CACNA1S: variants seen among roughly 807,000 people sequenced by gnomAD.
CACNA1S encodes the protein calcium voltage-gated channel subunit alpha1 S.
In CACNA1S, 126 loss-of-function variants were observed where a neutral mutation model predicts 207.4. That is an observed-to-expected ratio of 0.61 (90% CI 0.53 to 0.70). The LOEUF is 0.70. Ranked by LOEUF, CACNA1S falls within the 30% of genes least tolerant of loss-of-function variation. The pLI is 0.00. For synonymous variants in CACNA1S, 960 were observed against 932.7 expected (o/e 1.03, Z -0.53); for missense variants, 2,349 against 2,422.8 (o/e 0.97, Z 0.64).
At chr1:201,090,205 C>T (rs368017327) in intron 5 of CACNA1S, among the ~76,000 whole-genome samples, 119 of 152,226 alleles carry the variant, frequency 7.8e-4, no homozygotes, top group African/African-American at 2.5e-3. Context: ...CTGTAGGGGC[C>T]CTGACCCCAT....
At chr1:201,099,415 G>T (rs1662559222) in intron 2 of CACNA1S, among the ~76,000 whole-genome samples, 1 of 152,224 alleles carries the variant, frequency 6.6e-6, no homozygotes, top group Admixed American at 6.5e-5. Flanking sequence ...CAGTTGAAGG[G>T]CTCCCTGGGA....
At chr1:201,057,720 G>A (rs1390086982) in intron 28 of CACNA1S, among the ~76,000 whole-genome samples, 2 of 152,196 alleles carry the variant, frequency 1.3e-5, no homozygotes, top group African/African-American at 4.8e-5. Flanking sequence ...CCAGCACTTT[G>A]GGAGGCTGAG....
chr1:201,111,428 T>G (rs907747892), intron 1 of CACNA1S, among the ~76,000 whole-genome samples: 9 of 152,072 alleles, frequency 5.9e-5, no homozygotes, highest in African/African-American at 2.2e-4. Flanking sequence ...AACCCAGATA[T>G]TTTCATCATT....
At chr1:201,100,065 T>C (rs1662582442) in intron 2 of CACNA1S, among the ~76,000 whole-genome samples, 1 of 152,138 alleles carries the variant, frequency 6.6e-6, no homozygotes, top group African/African-American at 2.4e-5. Flanking sequence ...CCTGGGCACA[T>C]TCCCCAGGCA....
chr1:201,042,994 T>C (rs1233329314), intron 40 of CACNA1S: 3 of 412,968 alleles, frequency 7.3e-6, no homozygotes, highest in Non-Finnish European at 1.4e-5. Context: ...TAACCTATCA[T>C]GTGTTCAATA....
At chr1:201,041,870 C>A in intron 40 of CACNA1S, 1 of 502,926 alleles carries the variant, frequency 2.0e-6, no homozygotes, top group Non-Finnish European at 3.6e-6. Context: ...GCTGCAGCCT[C>A]CCAGCCTTTG....
intron 11 of CACNA1S, 70 bp from the exon 12 acceptor site, chr1:201,077,197 G>C: frequency 7.4e-7 from 1 of 1,347,784 alleles, no homozygotes; most frequent in Admixed American, 1.8e-5. Context: ...GTGTGGACAG[G>C]CTTGGGGGAA....
chr1:201,060,089 A>T (rs530653764), intron 26 of CACNA1S, among the ~76,000 whole-genome samples: 1 of 152,264 alleles, frequency 6.6e-6, no homozygotes, highest in African/African-American at 2.4e-5. Context: ...TTTCCATATC[A>T]CCATGACCTA....
In CACNA1S at chr1:201,093,925, G is replaced by T. The variant is rs1276004803; in HGVS notation, c.355C>A (p.Arg119Ser). 1 of 1,614,210 alleles carries T rather than the reference G, an allele frequency of 6.2e-7. No individual in the cohort carries two copies. Among genetic ancestry groups the T allele is most frequent in the South Asian group, 1.1e-5 (1 of 91,080 alleles). ...GFLFHQDAYL[R>S]SGWNVLDFTI... Reference sequence around the variant, plus strand: ...AAGTCCAGCACATTCCAGCCACTGCGCAGGTAAGCGTCCTGGTGGAATAAG... The same window carrying T: ...AAGTCCAGCACATTCCAGCCACTGCTCAGGTAAGCGTCCTGGTGGAATAAG... The change falls in exon 3 of 44, where the codon CGC becomes AGC. Residue 119 changes from arginine (R) to serine (S), a missense_variant. Physicochemically the swap from Arg to Ser is moderately radical, Grantham distance 110. Transcript: ENST00000362061.
intron 9 of CACNA1S, among the ~76,000 whole-genome samples, chr1:201,083,633 T>C (rs572865426): frequency 6.6e-6 from 1 of 152,334 alleles, no homozygotes; most frequent in African/African-American, 2.4e-5. Flanking sequence ...AACTCTGAGA[T>C]GCCACGTTTT....
At chr1:201,091,586 C>G (rs199733148) in intron 5 of CACNA1S, 54 bp downstream of exon 5, 85 of 1,600,838 alleles carry the variant, frequency 5.3e-5, no homozygotes, top group Non-Finnish European at 6.4e-5. Context: ...GTGGCTCCCC[C>G]TTCTGAGCCA....
At chr1:201,069,005 G>A in intron 19 of CACNA1S, 132 bp downstream of exon 19, 1 of 811,130 alleles carries the variant, frequency 1.2e-6, no homozygotes. Context: ...CCGGTGTGCT[G>A]GGTCCCATGA....
At chr1:201,099,120 T>A (rs1161797797) in intron 2 of CACNA1S, among the ~76,000 whole-genome samples, 1 of 152,174 alleles carries the variant, frequency 6.6e-6, no homozygotes, top group Non-Finnish European at 1.5e-5. Context: ...ATACTTCTCC[T>A]CCCCTGGCCC....
chr1:201,062,129 T>G lies in CACNA1S; in HGVS notation c.2907-39A>C, dbSNP rs759304797. The G allele has an allele frequency of 3.7e-6, 6 of 1,604,012 alleles. No homozygotes were observed. The Admixed American group carries it at 6.9e-5, about 18-fold the overall frequency. On this transcript the variant is annotated intron_variant, in intron 23 of 43. Coordinates refer to ENST00000362061, the MANE Select transcript of CACNA1S (RefSeq NM_000069.3). ...GCCCAGTCACTCCACAGGGCATGGCTGGGCTGCCTTGCCCCACCCACATCC... is the reference window on the plus strand; with the variant it reads ...GCCCAGTCACTCCACAGGGCATGGCGGGGCTGCCTTGCCCCACCCACATCC...
intron 14 of CACNA1S, 30 bp downstream of exon 14, chr1:201,074,476 C>A: frequency 7.0e-7 from 1 of 1,421,030 alleles, no homozygotes; most frequent in Non-Finnish European, 9.9e-7. Flanking sequence ...CTGAGCACTC[C>A]AGGTCCCTTC....
At chr1:201,041,118 A>G (rs1260732960) in intron 41 of CACNA1S, among the ~76,000 whole-genome samples, 1 of 152,136 alleles carries the variant, frequency 6.6e-6, no homozygotes, top group African/African-American at 2.4e-5. Flanking sequence ...AGACTACAAG[A>G]TCATTTGCAG....
At chr1:201,046,144 A>C (rs1180064725) in intron 38 of CACNA1S, among the ~76,000 whole-genome samples, 1 of 150,030 alleles carries the variant, frequency 6.7e-6, no homozygotes, top group Non-Finnish European at 1.5e-5. Flanking sequence ...TTTCACACCC[A>C]ATGGGACATA....
At chr1:201,090,218 A>T (rs139469710) in intron 5 of CACNA1S, among the ~76,000 whole-genome samples, 3 of 152,300 alleles carry the variant, frequency 2.0e-5, no homozygotes, top group East Asian at 3.9e-4. Flanking sequence ...GACCCCATGA[A>T]GTCAGAAGCC....
intron 2 of CACNA1S, among the ~76,000 whole-genome samples, chr1:201,099,139 C>T (rs1248840942): frequency 6.6e-6 from 1 of 152,220 alleles, no homozygotes; most frequent in African/African-American, 2.4e-5. Flanking sequence ...CCGCATGGGG[C>T]TTTGTGGGAA....
Sources: allele counts gnomAD v4.1 joint callset (sites outside exome capture counted in the v4.1 genomes callset), GRCh38; gene constraint gnomAD v4.1.1; transcripts MANE v1.5; gene names NCBI Gene and HGNC (gene_info 2026-07-23, HGNC 2026-07-21).